Variants in SLC30A8 observed in about 807,000 individuals in gnomAD.
SLC30A8 encodes the protein proton-coupled zinc antiporter SLC30A8.
Under a neutral mutation model 36.9 loss-of-function variants are expected in SLC30A8, and 27 were observed. The ratio of observed to expected loss-of-function variants is 0.73; its 90% CI spans 0.54 to 1.01. SLC30A8 has a LOEUF of 1.01. Among genes scored for constraint, SLC30A8 ranks in the 50% least tolerant of loss-of-function variants. The pLI is 0.00. For missense variants in SLC30A8, 439 were observed against 452.0 expected, an observed-to-expected ratio of 0.97 and a Z score of 0.26; for synonymous variants, 164 against 172.4, an observed-to-expected ratio of 0.95 and a Z score of 0.38.
At chr8:116,977,724 A>T (rs1196239079) in intron 1 of SLC30A8, among the ~76,000 whole-genome samples, 1 of 151,778 alleles carries the variant, frequency 6.6e-6, no homozygotes, top group Non-Finnish European at 1.5e-5. Flanking sequence ...GTTGGCCAAG[A>T]TGGTCTCAAT....
At chr8:117,102,093 T>TA (rs536443986) in intron 2 of SLC30A8, among the ~76,000 whole-genome samples, 73 of 152,172 alleles carry the variant, frequency 4.8e-4, no homozygotes, top group Admixed American at 1.1e-3. Context: ...TCGGTTTTTT[T>TA]AAAAAATCAT....
At chr8:117,028,307 A>T (rs1012491537) in intron 1 of SLC30A8, among the ~76,000 whole-genome samples, 1 of 152,226 alleles carries the variant, frequency 6.6e-6, no homozygotes, top group Non-Finnish European at 1.5e-5. Flanking sequence ...AAAAGCTCAG[A>T]TCTTTTACAT....
chr8:117,004,960 T>C (rs1816125408), intron 1 of SLC30A8, among the ~76,000 whole-genome samples: 1 of 152,114 alleles, frequency 6.6e-6, no homozygotes, highest in Non-Finnish European at 1.5e-5. Flanking sequence ...TGGAATAATT[T>C]TCTCCCCTCC....
intron 2 of SLC30A8, among the ~76,000 whole-genome samples, chr8:117,119,535 C>A (rs372575173): frequency 5.9e-5 from 9 of 152,030 alleles, no homozygotes; most frequent in East Asian, 5.9e-4. Flanking sequence ...TACGTGATCA[C>A]CCCTTCAGTC....
chr8:117,159,050 A>G (rs1822645073), intron 4 of SLC30A8, among the ~76,000 whole-genome samples: 1 of 152,214 alleles, frequency 6.6e-6, no homozygotes, highest in South Asian at 2.1e-4. Flanking sequence ...GATGTTGAAA[A>G]TGGAGAAATC....
chr8:116,999,120 A>G (rs983775798), intron 1 of SLC30A8, among the ~76,000 whole-genome samples: 1 of 152,126 alleles, frequency 6.6e-6, no homozygotes, highest in Non-Finnish European at 1.5e-5. Flanking sequence ...TTAGCCCAGC[A>G]TGATGGCGCA....
rs1009115913 is a variant in SLC30A8 at position 117,089,178 on chromosome 8, A to G, written c.-225-46102A>G. Among the ~76,000 whole-genome samples the G allele has an allele frequency of 5.3e-5, 8 of 151,968 alleles. No individual in the cohort carries two copies. In the East Asian group the frequency reaches 1.5e-3, roughly 29 times the overall value. ...CCATTTTCTAGCCTCTTTGGTTTTCACTGTACAATCTACCTAGGTGGGCTT... is the reference window on the plus strand; with the variant it reads ...CCATTTTCTAGCCTCTTTGGTTTTCGCTGTACAATCTACCTAGGTGGGCTT... On this transcript the variant is annotated intron_variant, in intron 2 of 10. Coordinates refer to the SLC30A8 transcript ENST00000427715.
intron 2 of SLC30A8, among the ~76,000 whole-genome samples, chr8:117,129,017 T>G (rs1821026175): frequency 6.6e-6 from 1 of 152,026 alleles, no homozygotes. Context: ...AAATGGGTGC[T>G]TGGGCTGGAT....
intron 3 of SLC30A8, 35 bp downstream of exon 3, chr8:117,153,125 G>A: frequency 6.6e-7 from 1 of 1,507,808 alleles, no homozygotes; most frequent in Non-Finnish European, 9.0e-7. Flanking sequence ...ACAGCAGGCT[G>A]GTGCTGCAAA....
At chr8:117,000,262 G>A (rs1057111585) in intron 1 of SLC30A8, among the ~76,000 whole-genome samples, 5 of 152,162 alleles carry the variant, frequency 3.3e-5, no homozygotes, top group African/African-American at 4.8e-5. Context: ...GGGGGAGTGG[G>A]CGCAAATTCC....
chr8:117,160,111 G>A lies in SLC30A8; in HGVS notation c.573-1627G>A, dbSNP rs113910710. Among the ~76,000 whole-genome samples the A allele has an allele frequency of 5.0e-3, 759 of 152,306 alleles. 7 individuals carry two copies. Among genetic ancestry groups the A allele is most frequent in the African/African-American group, 0.018 (730 of 41,554 alleles). ...CTAGATGCTGTATTGTTTGAATATAGAGATATCGGAATTGCGATTCAGGAA... is the reference window on the plus strand; with the variant it reads ...CTAGATGCTGTATTGTTTGAATATAAAGATATCGGAATTGCGATTCAGGAA... On this transcript the variant is annotated intron_variant, in intron 4 of 7. Transcript: ENST00000456015.
chr8:116,962,961 A>C (rs1176928587), intron 1 of SLC30A8, among the ~76,000 whole-genome samples: 1 of 151,916 alleles, frequency 6.6e-6, no homozygotes, highest in South Asian at 2.1e-4. Flanking sequence ...AGGAACCCGG[A>C]GTCTGGCGGG....
At chr8:117,090,304 C>T (rs1330204478) in intron 2 of SLC30A8, among the ~76,000 whole-genome samples, 4 of 152,152 alleles carry the variant, frequency 2.6e-5, no homozygotes, top group Admixed American at 1.3e-4. Context: ...CTACTAACTC[C>T]TCTAAGAAGC....
chr8:117,111,035 C>T (rs957897141), intron 2 of SLC30A8, among the ~76,000 whole-genome samples: 2 of 152,134 alleles, frequency 1.3e-5, no homozygotes, highest in Non-Finnish European at 2.9e-5. Context: ...TTGGTTCTTC[C>T]ATAACTGTCA....
intron 1 of SLC30A8, among the ~76,000 whole-genome samples, chr8:117,026,505 C>T (rs1322146091): frequency 1.3e-5 from 2 of 152,124 alleles, no homozygotes; most frequent in Non-Finnish European, 1.5e-5. Context: ...CAGGAACTGA[C>T]CTCCCTCTCT....
At chr8:117,128,120 TA>T (rs1332007581) in intron 2 of SLC30A8, among the ~76,000 whole-genome samples, 1 of 152,048 alleles carries the variant, frequency 6.6e-6, no homozygotes. Context: ...AGTTATCTCC[TA>T]GGGCTCCTTG....
upstream of SLC30A8, among the ~76,000 whole-genome samples, chr8:117,134,625 C>G (rs1821275828): frequency 6.6e-6 from 1 of 151,886 alleles, no homozygotes; most frequent in South Asian, 2.1e-4. Flanking sequence ...CACTCTGGTT[C>G]TTGTATTTTG....
chr8:117,060,131 A>G (rs1817986242), intron 2 of SLC30A8, among the ~76,000 whole-genome samples: 1 of 152,168 alleles, frequency 6.6e-6, no homozygotes, highest in African/African-American at 2.4e-5. Flanking sequence ...CAGGACATGC[A>G]GGCTGAGCAG....
chr8:117,139,714 G>T (rs1230863609), intron 1 of SLC30A8, among the ~76,000 whole-genome samples: 1 of 151,972 alleles, frequency 6.6e-6, no homozygotes, highest in East Asian at 1.9e-4. Flanking sequence ...ATAGTGGAAA[G>T]AAACAGTCAA....
Sources: allele counts gnomAD v4.1 joint callset (sites outside exome capture counted in the v4.1 genomes callset), GRCh38; gene constraint gnomAD v4.1.1; transcripts MANE v1.5; gene names NCBI Gene and HGNC (gene_info 2026-07-23, HGNC 2026-07-21).